The following MYO1D variants were observed in gnomAD, a reference collection of about 807,000 sequenced individuals.
MYO1D encodes myosin ID, also known as unconventional myosin-Id.
A neutral mutation model predicts 122.0 loss-of-function variants in MYO1D; 83 were observed. That is an observed-to-expected ratio of 0.68 (90% CI 0.57 to 0.82). MYO1D has a LOEUF of 0.82. MYO1D is among the 40% of genes least tolerant of loss of function. MYO1D has a pLI of 0.00. For synonymous variants in MYO1D, 464 were observed against 446.9 expected (o/e 1.04, Z -0.48); for missense variants, 1,157 against 1,269.5 (o/e 0.91, Z 1.35).
intron 12 of MYO1D, among the ~76,000 whole-genome samples, chr17:32,745,953 T>G (rs1405639745): frequency 6.6e-6 from 1 of 152,188 alleles, no homozygotes; most frequent in African/African-American, 2.4e-5. Context: ...AATTCATTTT[T>G]GGGGTTATAA....
intron 21 of MYO1D, among the ~76,000 whole-genome samples, chr17:32,559,456 A>G (rs1333244900): frequency 6.6e-6 from 1 of 152,212 alleles, no homozygotes; most frequent in Non-Finnish European, 1.5e-5. Flanking sequence ...GTTTCAGCCA[A>G]TCACAGGTGT....
chr17:32,776,596 G>T (rs562045095), intron 3 of MYO1D, among the ~76,000 whole-genome samples: 1 of 152,234 alleles, frequency 6.6e-6, no homozygotes, highest in South Asian at 2.1e-4. Context: ...GTTCTGAAAA[G>T]GGAAAGAATA....
intron 1 of MYO1D, among the ~76,000 whole-genome samples, chr17:32,842,022 A>G (rs952025789): frequency 6.6e-6 from 1 of 152,214 alleles, no homozygotes; most frequent in African/African-American, 2.4e-5. Context: ...GAGTGAGATT[A>G]GCAATTATAC....
intron 7 of MYO1D, 100 bp from the exon 8 acceptor site, chr17:32,765,181 T>G: frequency 2.1e-6 from 2 of 932,890 alleles, no homozygotes; most frequent in South Asian, 3.1e-5. Flanking sequence ...TTGTACCTAT[T>G]TTCCTAAATA....
chr17:32,855,240 A>G (rs914552864), intron 1 of MYO1D, among the ~76,000 whole-genome samples: 8 of 152,188 alleles, frequency 5.3e-5, no homozygotes, highest in African/African-American at 1.9e-4. Flanking sequence ...ATAAGAATGT[A>G]CACATCTTTA....
chr17:32,720,256 AT>A, intron 15 of MYO1D, among the ~76,000 whole-genome samples: 1 of 152,306 alleles, frequency 6.6e-6, no homozygotes, highest in South Asian at 2.1e-4. Flanking sequence ...AAGCAACATT[AT>A]CAACAATAAA....
At chr17:32,830,383 C>T (rs963300903) in intron 1 of MYO1D, 3 of 152,120 alleles carry the variant, frequency 2.0e-5, no homozygotes, top group African/African-American at 7.2e-5. Flanking sequence ...TAAGAAAATA[C>T]TAAAAATGTA....
At position 32,640,057 on chromosome 17, in the gene MYO1D, C is replaced by G. The variant is rs369925517; in HGVS notation, c.2596-1222G>C. Among the ~76,000 whole-genome samples the G allele has an allele frequency of 1.6e-4, 24 of 152,254 alleles. No individual in the cohort carries two copies. The East Asian group carries it at 4.6e-3, about 29-fold the overall frequency. ...AATTTTAGTTTGAATTTTATTCAAT[C>G]TTCTCCCCTTTGCCCCATAGTTTTA... On this transcript the variant is annotated intron_variant, in intron 19 of 21. Coordinates refer to ENST00000318217, the MANE Select transcript of MYO1D (RefSeq NM_015194.3).
chr17:32,628,623 T>C lies in MYO1D; in HGVS notation c.2709+10099A>G, dbSNP rs564290315. ...ATGACAAAGAGTGAAGAGATGGTTC[T>C]CATAAAGATTAATTGATAATCCAGT... On this transcript the variant is annotated intron_variant, in intron 20 of 21. Coordinates refer to ENST00000318217, the MANE Select transcript of MYO1D (RefSeq NM_015194.3). Among the ~76,000 whole-genome samples, 12 of 152,330 alleles carry C rather than the reference T, an allele frequency of 7.9e-5. 1 individual carries two copies. The South Asian group carries it at 1.2e-3, about 16-fold the overall frequency.
intron 3 of MYO1D, 75 bp downstream of exon 3, chr17:32,778,405 A>G (rs2090200935): frequency 1.4e-6 from 2 of 1,417,476 alleles, no homozygotes; most frequent in South Asian, 2.3e-5. Context: ...CTCAACCCCT[A>G]GAGTTTAGGT....
intron 13 of MYO1D, among the ~76,000 whole-genome samples, chr17:32,744,777 A>G (rs1285046778): frequency 2.0e-5 from 3 of 152,212 alleles, no homozygotes; most frequent in South Asian, 2.1e-4. Flanking sequence ...AGTCACTATC[A>G]GGGCTCACTG....
chr17:32,743,907 T>C (rs1300693372), intron 13 of MYO1D, among the ~76,000 whole-genome samples: 2 of 151,510 alleles, frequency 1.3e-5, no homozygotes, highest in Admixed American at 6.6e-5. Flanking sequence ...TGTGAGCCAC[T>C]GCGACCAGCC....
chr17:32,666,973 G>C lies in MYO1D; in HGVS notation c.2122-7635C>G, dbSNP rs7210072. ...CTTCGAGATGTCCATATTGAGATGA[G>C]TCTACATAATGGGGAACTTTGAGAG... On this transcript the variant is annotated intron_variant, in intron 16 of 21. Coordinates refer to ENST00000318217, the MANE Select transcript of MYO1D (RefSeq NM_015194.3). 5.8e-3 allele frequency among the ~76,000 whole-genome samples: 877 copies of C among 152,328 alleles called. 8 individuals are homozygous for C. Among genetic ancestry groups the C allele is most frequent in the African/African-American group, 0.017 (720 of 41,572 alleles).
chr17:32,760,568 G>A lies in MYO1D; in HGVS notation c.1095C>T (p.Val365=). ...IVTRINDIIE[V]KNYDTTIHGK... ...CATGGATTGTGGTGTCATAGTTCTT[G>A]ACCTCAATAATATCATTGATGCGAG... Residue 365 remains valine (V), a synonymous_variant, in exon 9 of 22, where the codon GTC becomes GTT. Coordinates refer to ENST00000318217, the MANE Select transcript of MYO1D (RefSeq NM_015194.3). 6.2e-7 allele frequency: 1 copy of A among 1,613,680 alleles called. No individual in the cohort carries two copies. Among genetic ancestry groups the A allele is most frequent in the Admixed American group, 1.7e-5 (1 of 60,016 alleles).
chr17:32,629,850 T>C (rs903504911), intron 20 of MYO1D, among the ~76,000 whole-genome samples: 14 of 152,220 alleles, frequency 9.2e-5, no homozygotes, highest in African/African-American at 2.9e-4. Context: ...GAAGTGCATG[T>C]AGCACTGTAC....
chr17:32,760,549 T>A lies in MYO1D; in HGVS notation c.1114A>T (p.Ile372Phe). Reference sequence around the variant, plus strand: ...CCAATAACAGTGTTTTTCCCATGGATTGTGGTGTCATAGTTCTTGACCTCA... The same window carrying A: ...CCAATAACAGTGTTTTTCCCATGGAATGTGGTGTCATAGTTCTTGACCTCA... ...IIEVKNYDTT[I>F]HGKNTVIGVL... The change falls in exon 9 of 22, where the codon ATC (isoleucine) becomes TTC (phenylalanine). Residue 372 changes from isoleucine to phenylalanine, a missense_variant. Coordinates refer to ENST00000318217, the MANE Select transcript of MYO1D (RefSeq NM_015194.3). The A allele has an allele frequency of 6.2e-7, 1 of 1,613,950 alleles. No individual in the cohort carries two copies.
intron 10 of MYO1D, chr17:32,756,135 T>G (rs763293028): frequency 1.5e-4 from 32 of 214,906 alleles, no homozygotes; most frequent in Admixed American, 9.9e-4. Context: ...ACAAGTTAAA[T>G]GTTTAGTTCT....
At chr17:32,529,216 C>G (rs2706761) in intron 21 of MYO1D, among the ~76,000 whole-genome samples, 120,449 of 152,200 alleles carry the variant, frequency 0.79, 48,203 homozygotes, top group African/African-American at 0.91. Context: ...GCTTGTACTT[C>G]AACAGGGAGC....
intron 14 of MYO1D, among the ~76,000 whole-genome samples, chr17:32,722,452 A>G (rs1014126222): frequency 1.3e-5 from 2 of 152,250 alleles, no homozygotes; most frequent in Non-Finnish European, 2.9e-5. Flanking sequence ...GAGGCTGCCC[A>G]CATTCCTTGG....
Sources: allele counts gnomAD v4.1 joint callset (sites outside exome capture counted in the v4.1 genomes callset), GRCh38; gene constraint gnomAD v4.1.1; transcripts MANE v1.5; gene names NCBI Gene and HGNC (gene_info 2026-07-23, HGNC 2026-07-21).